CDC42BPB: variants seen among roughly 807,000 people sequenced by gnomAD.
CDC42BPB encodes the protein CDC42 binding protein kinase beta, also known as serine/threonine-protein kinase MRCK beta.
In CDC42BPB, 37 loss-of-function variants were observed where a neutral mutation model predicts 214.9. That is an observed-to-expected ratio of 0.17 (90% CI 0.13 to 0.23). The LOEUF (loss-of-function observed/expected upper bound fraction) is 0.23. CDC42BPB is among the 10% of genes least tolerant of loss of function. CDC42BPB has a pLI of 1.00. For synonymous variants in CDC42BPB, 931 were observed against 884.0 expected (o/e 1.05, Z -0.94); for missense variants, 1,694 against 2,227.0 (o/e 0.76, Z 4.82).
At chr14:103,017,918 C>T (rs1886555146) in intron 1 of CDC42BPB, among the ~76,000 whole-genome samples, 1 of 152,188 alleles carries the variant, frequency 6.6e-6, no homozygotes, top group Non-Finnish European at 1.5e-5. Context: ...GTAGAATATC[C>T]CTGTCTGCAG....
Position 102,967,884 on chromosome 14 carries a change from A to C in CDC42BPB, c.2346+369T>G, listed in dbSNP as rs7141315. 1.6e-3 allele frequency among the ~76,000 whole-genome samples: 246 copies of C among 152,128 alleles called. 2 individuals are homozygous for C. The highest frequency in any genetic ancestry group is 5.7e-3 in the African/African-American group (235 of 41,522). On this transcript the variant is annotated intron_variant, in intron 16 of 36. Transcript: ENST00000361246. ...GCTGAGGTGGGTGGATCATGAGGTC[A>C]GGAGATTGAGACCATCCTGGCTAAC...
chr14:102,978,243 T>A, intron 8 of CDC42BPB, 38 bp from the exon 9 acceptor site: 11 of 1,605,830 alleles, frequency 6.9e-6, no homozygotes, highest in Non-Finnish European at 9.4e-6. Context: ...GAAATCTACA[T>A]TCAAACAAAC....
intron 26 of CDC42BPB, among the ~76,000 whole-genome samples, chr14:102,949,157 G>A (rs533153092): frequency 6.6e-6 from 1 of 152,338 alleles, no homozygotes; most frequent in East Asian, 1.9e-4. Context: ...GCCTCTTAGT[G>A]ATGCGTTTAC....
intron 20 of CDC42BPB, among the ~76,000 whole-genome samples, chr14:102,962,791 G>C (rs990585836): frequency 6.6e-6 from 1 of 152,190 alleles, no homozygotes; most frequent in Admixed American, 6.5e-5. Context: ...TGCAGAGGTT[G>C]CAGTGAGCCG....
intron 1 of CDC42BPB, among the ~76,000 whole-genome samples, chr14:103,038,728 CGG>C (rs1887816748): frequency 3.3e-5 from 1 of 30,474 alleles, no homozygotes; most frequent in Non-Finnish European, 6.8e-5. Flanking sequence ...GGGGGGGGGG[CGG>C]GTCTCATTAT....
intron 3 of CDC42BPB, among the ~76,000 whole-genome samples, chr14:103,007,431 T>G (rs562103974): frequency 6.6e-6 from 1 of 152,150 alleles, no homozygotes; most frequent in East Asian, 1.9e-4. Context: ...GTGGCAACCA[T>G]CATGGGCAGC....
At chr14:103,019,365 T>A (rs947258004) in intron 1 of CDC42BPB, among the ~76,000 whole-genome samples, 1 of 152,168 alleles carries the variant, frequency 6.6e-6, no homozygotes, top group Admixed American at 6.5e-5. Context: ...ACGCCTTGCA[T>A]TGCCCACACC....
intron 5 of CDC42BPB, among the ~76,000 whole-genome samples, chr14:102,998,073 A>C (rs982983627): frequency 6.6e-6 from 1 of 152,154 alleles, no homozygotes; most frequent in Non-Finnish European, 1.5e-5. Context: ...GGCTATAGTG[A>C]GTGAAATCAC....
chr14:102,946,128 T>C (rs1350055035), intron 28 of CDC42BPB, among the ~76,000 whole-genome samples: 1 of 151,864 alleles, frequency 6.6e-6, no homozygotes, highest in Non-Finnish European at 1.5e-5. Context: ...CCCGCCTCAG[T>C]CTCCCAAGTA....
At position 102,968,604 on chromosome 14, in the gene CDC42BPB, C is replaced by G; in HGVS notation, c.2108G>C (p.Arg703Thr). Residue 703 changes from arginine (R) to threonine (T), a missense_variant, in exon 15 of 37, where the codon AGA becomes ACA. Around this residue, in one of 7 missense-constraint regions of CDC42BPB, gnomAD observed 462 missense variants for 513.5 expected, o/e 0.90. Coordinates refer to ENST00000361246, the MANE Select transcript of CDC42BPB (RefSeq NM_006035.4). ...TTCTAGCACATGGGAGGCCTCACGT[C>G]TGACCAATTCCTCTTCATAAAATAA... ...KVLFYEEELV[R>T]REASHVLEVK... is the part of the protein sequence containing the mutation. The G allele has an allele frequency of 6.2e-7, 1 of 1,614,234 alleles. No homozygotes were observed. The highest frequency in any genetic ancestry group is 8.5e-7 in the Non-Finnish European group (1 of 1,180,048).
At chr14:102,947,303 A>ACACTAACTCAGTGAGGGAG (rs1892226910) in intron 27 of CDC42BPB, among the ~76,000 whole-genome samples, 4 of 152,142 alleles carry the variant, frequency 2.6e-5, no homozygotes. Context: ...ACAATGTCTA[A>ACACTAACTCAGTGAGGGAG]CACTAACTCA....
intron 1 of CDC42BPB, chr14:103,041,710 G>C: frequency 3.6e-6 from 2 of 555,394 alleles, no homozygotes; most frequent in South Asian, 4.3e-5. Context: ...GGAGCTCAGG[G>C]TGGCTGGCAT....
intron 20 of CDC42BPB, among the ~76,000 whole-genome samples, chr14:102,961,062 G>A (rs1892934819): frequency 6.6e-6 from 1 of 152,014 alleles, no homozygotes; most frequent in Non-Finnish European, 1.5e-5. Context: ...AGCTACTCAG[G>A]GGGCTGAGGT....
intron 16 of CDC42BPB, 168 bp from the exon 17 acceptor site, chr14:102,967,338 A>G: frequency 1.0e-6 from 1 of 985,460 alleles, no homozygotes; most frequent in Non-Finnish European, 1.2e-6. Flanking sequence ...ATCTAGCTTA[A>G]GTCACATTTC....
At chr14:103,030,190 C>T (rs1029463423) in intron 1 of CDC42BPB, among the ~76,000 whole-genome samples, 6 of 152,250 alleles carry the variant, frequency 3.9e-5, no homozygotes, top group African/African-American at 1.4e-4. Context: ...AGTAGTCGCC[C>T]ATCTCCATGG....
chr14:103,013,380 C>A (rs974088549), intron 1 of CDC42BPB, among the ~76,000 whole-genome samples: 1 of 152,232 alleles, frequency 6.6e-6, no homozygotes, highest in Admixed American at 6.5e-5. Flanking sequence ...GGCCTCCTCA[C>A]GCGGACTCTC....
At chr14:103,026,822 C>T (rs996267768) in intron 1 of CDC42BPB, among the ~76,000 whole-genome samples, 4 of 151,292 alleles carry the variant, frequency 2.6e-5, no homozygotes, top group South Asian at 2.1e-4. Flanking sequence ...GAGCTGAGAT[C>T]GCGCCACTGC....
At chr14:103,020,766 T>C (rs1210684605) in intron 1 of CDC42BPB, among the ~76,000 whole-genome samples, 3 of 152,238 alleles carry the variant, frequency 2.0e-5, no homozygotes, top group Admixed American at 6.5e-5. Flanking sequence ...TGGAGAGAGT[T>C]CACAGCTCCA....
chr14:103,050,260 G>C (rs1227185882), intron 1 of CDC42BPB, among the ~76,000 whole-genome samples: 4 of 152,168 alleles, frequency 2.6e-5, no homozygotes, highest in Non-Finnish European at 5.9e-5. Flanking sequence ...CTGACAATGA[G>C]AATAGAAAGA....
Sources: gnomAD v4.1 joint callset for allele counts (sites outside exome capture counted in the v4.1 genomes callset) on GRCh38, gnomAD v4.1.1 for gene constraint, gnomAD v4.1.1 regional missense constraint, MANE v1.5 for transcripts, NCBI Gene and HGNC (gene_info 2026-07-23, HGNC 2026-07-21) for gene names.